SLC4A11: variants seen among roughly 807,000 people sequenced by gnomAD.
SLC4A11 encodes bicarbonate transporter related protein 1.
Under a neutral mutation model 95.0 loss-of-function variants are expected in SLC4A11, and 74 were observed. That is an observed-to-expected ratio of 0.78 (90% CI 0.65 to 0.95). The LOEUF (loss-of-function observed/expected upper bound fraction) is 0.95, where lower values mean the gene tolerates loss of function less well. SLC4A11 is among the 40% of genes least tolerant of loss of function. The pLI, the probability that SLC4A11 is intolerant of heterozygous loss-of-function variation, is 0.00. For missense variants in SLC4A11, 1,081 were observed against 1,192.4 expected (o/e 0.91, Z 1.38); for synonymous variants, 548 against 519.0 (o/e 1.06, Z -0.76).
At position 3,230,167 on chromosome 20, in the gene SLC4A11, TG is replaced by T; in HGVS notation, c.1489+19del. 6.2e-7 allele frequency: 1 copy of T among 1,613,184 alleles called. No homozygotes were observed. The highest frequency in any genetic ancestry group is 8.5e-7 in the Non-Finnish European group (1 of 1,179,864). On this transcript the variant is annotated intron_variant, in intron 13 of 19. Transcript: ENST00000642402. Reference sequence around the variant, plus strand: ...TCGGCTGAGCGCCCTGTTCAGCAGGTGGCCCCCAGCCGCACTCACTTTTAAC... The same window carrying T: ...TCGGCTGAGCGCCCTGTTCAGCAGGTGCCCCCAGCCGCACTCACTTTTAAC...
At chr20:3,238,904 C>A (rs2068072105) in intron 1 of SLC4A11, 191 bp downstream of exon 1, 6 of 1,256,256 alleles carry the variant, frequency 4.8e-6, no homozygotes, top group Admixed American at 4.4e-5. Flanking sequence ...GCGCGGTGGC[C>A]GCGAAGCCGC....
At chr20:3,238,726 G>A (rs1032361180) in intron 1 of SLC4A11, 1 of 1,055,150 alleles carries the variant, frequency 9.5e-7, no homozygotes, top group African/African-American at 1.7e-5. Context: ...GAGACCTTCC[G>A]AGGCGGCGGC....
At chr20:3,233,774 G>A in intron 6 of SLC4A11, 137 bp from the exon 7 acceptor site, 1 of 1,517,532 alleles carries the variant, frequency 6.6e-7, no homozygotes, top group South Asian at 1.1e-5. Context: ...ACGTTCCTTG[G>A]CAGTGCTCCA....
At position 3,232,505 on chromosome 20, in the gene SLC4A11, A is replaced by T. The variant is rs145134294; in HGVS notation, c.730-957T>A. Among the ~76,000 whole-genome samples the T allele has an allele frequency of 1.5e-4, 23 of 152,372 alleles. 1 individual carries two copies. The East Asian group carries it at 4.4e-3, about 29-fold the overall frequency. On this transcript the variant is annotated intron_variant, in intron 7 of 19. Transcript: ENST00000642402. ...CACTTGAGGTCAAGAGTTCAAGACC[A>T]GCCTGGCCAACATGGTGAAACCCCA...
Position 3,227,700 on chromosome 20 carries a change from A to C in SLC4A11, c.*87T>G. On this transcript the variant is annotated 3_prime_UTR_variant, in exon 20 of 20. Transcript: ENST00000642402. ...AAGGCGCAGCACAGAGCAGTCACCC[A>C]CACACCTACACCTCCCCTCACAGCT... The C allele has an allele frequency of 7.0e-7, 1 of 1,426,276 alleles. No individual in the cohort carries two copies. Among genetic ancestry groups the C allele is most frequent in the Non-Finnish European group, 9.7e-7 (1 of 1,026,900 alleles). The allele number at this position is 1,426,276 out of a possible 1,614,324, so 88.4% of individuals were successfully genotyped here.
Position 3,229,891 on chromosome 20 carries a change from C to T in SLC4A11, c.1490-115G>A, listed in dbSNP as rs975972054. 5.1e-5 allele frequency: 73 copies of T among 1,439,916 alleles called. 2 individuals are homozygous for T. In the Admixed American group the frequency reaches 1.0e-3, roughly 20 times the overall value. 89.2% of individuals were successfully genotyped at this position (1,439,916 alleles called of 1,614,324 possible). On this transcript the variant is annotated intron_variant, in intron 13 of 19. Transcript: ENST00000642402. ...CAGGGGGAAGGTGAGGGGACCCTGC[C>T]GACGTGCCCATGCACCCACACTCCT...
chr20:3,227,859 G>A lies in SLC4A11; in HGVS notation c.2559-3C>T. On this transcript the variant is annotated splice_region_variant and splice_polypyrimidine_tract_variant and intron_variant, in intron 19 of 19. Transcript: ENST00000642402. ...TGATTCGGGGCAGCAGGATATAGCT[G>A]TGGGGAGGGAGGGACAGGAGGATGA... 1.2e-6 allele frequency: 2 copies of A among 1,612,738 alleles called. No homozygotes were observed. Among genetic ancestry groups the A allele is most frequent in the Middle Eastern group, 3.3e-4 (2 of 6,056 alleles).
Position 3,227,753 on chromosome 20 carries a change from G to A in SLC4A11, c.*34C>T, listed in dbSNP as rs6051657. 25,244 of 1,608,942 alleles carry A rather than the reference G, an allele frequency of 0.016. 1,994 individuals carry two copies. In the African/African-American group the frequency reaches 0.22, roughly 14 times the overall value. On this transcript the variant is annotated 3_prime_UTR_variant, in exon 20 of 20. Coordinates refer to ENST00000642402, the MANE Select transcript of SLC4A11 (RefSeq NM_001174089.2). ...AGAGCCAGCCTGGGAGGACGTGGAG[G>A]GCTGGCGAATGGGGCGTGGGCAGGG...
At chr20:3,230,884 G>A (rs765140587) in intron 10 of SLC4A11, 39 bp from the exon 11 acceptor site, 1 of 1,612,992 alleles carries the variant, frequency 6.2e-7, no homozygotes. Context: ...CCGCAGCCCA[G>A]GGCCCAGCCC....
At position 3,229,250 on chromosome 20, in the gene SLC4A11, G is replaced by T. The variant is rs756471125; in HGVS notation, c.1863C>A (p.Arg621=). The change falls in exon 16 of 20, where the codon CGC becomes CGA. Residue 621 remains arginine, a synonymous_variant. Transcript: ENST00000642402. ...GFREIEMSKF[R]YNPSESPFAM... ...CAAAGGGGCTCTCGCTGGGGTTGTAGCGGAACTTGCTCACTGCAGTAGGGG... is the reference window on the plus strand; with the variant it reads ...CAAAGGGGCTCTCGCTGGGGTTGTATCGGAACTTGCTCACTGCAGTAGGGG... 3.1e-6 allele frequency: 5 copies of T among 1,612,938 alleles called. No homozygotes were observed. In the Admixed American group the frequency reaches 6.7e-5, roughly 22 times the overall value.
chr20:3,228,362 G>A lies in SLC4A11; in HGVS notation c.2455C>T (p.Leu819=). ...PQRKIHYFTG[L]QVLQLLLLCA... is the part of the protein sequence containing the mutation. ...AGCAGCAGCAGCTGAAGCACCTGCA[G>A]GCCCGTGAAGTAGTGGATCTTCCTC... The change falls in exon 19 of 20, where the codon CTG becomes TTG. Residue 819 remains leucine, a synonymous_variant. Transcript: ENST00000642402. 6.2e-7 allele frequency: 1 copy of A among 1,613,344 alleles called. No individual in the cohort carries two copies. Among genetic ancestry groups the A allele is most frequent in the Non-Finnish European group, 8.5e-7 (1 of 1,179,994 alleles).
chr20:3,230,903 CCCACCCA>C, intron 10 of SLC4A11, 23 bp downstream of exon 10: 1 of 1,613,344 alleles, frequency 6.2e-7, no homozygotes, highest in Non-Finnish European at 8.5e-7. Flanking sequence ...CCAGCATACC[CCCACCCA>C]CCGCCCACCG....
Position 3,227,991 on chromosome 20 carries a change from A to G in SLC4A11, c.2559-135T>C, listed in dbSNP as rs1240603688. The G allele has an allele frequency of 1.0e-3, 296 of 294,432 alleles. 2 individuals carry two copies. In the African/African-American group the frequency reaches 0.021, roughly 21 times the overall value. 18.2% of individuals were successfully genotyped at this position (294,432 alleles called of 1,614,324 possible). On this transcript the variant is annotated intron_variant, in intron 19 of 19. Coordinates refer to ENST00000642402, the MANE Select transcript of SLC4A11 (RefSeq NM_001174089.2). ...CCGCCCGCCTACCCCCAGCCCACCC[A>G]CTCTCCACTCCTAGACTGGAGCCCC...
upstream of SLC4A11, chr20:3,239,299 G>A: frequency 5.1e-6 from 6 of 1,179,146 alleles, no homozygotes; most frequent in Non-Finnish European, 6.3e-6. Context: ...GGGCGCGGTA[G>A]GCAGAGCTGC....
At chr20:3,232,427 T>C (rs1274815513) in intron 7 of SLC4A11, among the ~76,000 whole-genome samples, 2 of 152,252 alleles carry the variant, frequency 1.3e-5, no homozygotes, top group African/African-American at 2.4e-5. Flanking sequence ...TGGCAGGGCA[T>C]GGTGGCTCAC....
rs371200499 is a variant in SLC4A11, at chr20:3,231,591, C to T, written c.730-43G>A. On this transcript the variant is annotated intron_variant, in intron 7 of 19. Coordinates refer to ENST00000642402, the MANE Select transcript of SLC4A11 (RefSeq NM_001174089.2). This position sits in a 1 kb window ranked among gnomAD's most constrained non-coding sequence, Gnocchi z 5.2. ...GAGTCACCCCTAGAAACAGAGGAGG[C>T]CCTGCCCGGGCCGAGCAGGTGAAGG... 5.1e-4 allele frequency: 813 copies of T among 1,584,844 alleles called. No homozygotes were observed. The highest frequency in any genetic ancestry group is 6.5e-4 in the Non-Finnish European group (758 of 1,160,072).
rs2067581171 is a variant in SLC4A11, at chr20:3,227,860, T to C, written c.2559-4A>G. ...GATTCGGGGCAGCAGGATATAGCTGTGGGGAGGGAGGGACAGGAGGATGAG... is the reference window on the plus strand; with the variant it reads ...GATTCGGGGCAGCAGGATATAGCTGCGGGGAGGGAGGGACAGGAGGATGAG... On this transcript the variant is annotated splice_region_variant and splice_polypyrimidine_tract_variant and intron_variant, in intron 19 of 19. Transcript: ENST00000642402. The C allele has an allele frequency of 6.2e-7, 1 of 1,612,604 alleles. No homozygotes were observed. The highest frequency in any genetic ancestry group is 8.5e-7 in the Non-Finnish European group (1 of 1,179,676).
At position 3,229,509 on chromosome 20, in the gene SLC4A11, C is replaced by T. The variant is rs1436328861; in HGVS notation, c.1742+15G>A. ...TGACCCATGCGGCCCCTCCCCTCCC[C>T]ATGCAGCCCCTCACCTCTTCTTGAA... On this transcript the variant is annotated intron_variant, in intron 14 of 19. Transcript: ENST00000642402. 6.2e-7 allele frequency: 1 copy of T among 1,612,682 alleles called. No homozygotes were observed. The highest frequency in any genetic ancestry group is 1.3e-5 in the African/African-American group (1 of 74,926).
At position 3,229,607 on chromosome 20, in the gene SLC4A11, T is replaced by C. The variant is rs201867970; in HGVS notation, c.1659A>G (p.Ser553=). ...GGCTGAGCACGGCGGTCGCCTGGCC[T>C]GAGTGTGTGGCCGAGGGCAGCTCCG... The part of the protein sequence containing the change: ...SPTELPSATH[S]GQATAVLSLL... The change falls in exon 14 of 20, where the codon TCA becomes TCG. Residue 553 remains serine, a synonymous_variant. Transcript: ENST00000642402. 268 of 1,612,766 alleles carry C rather than the reference T, an allele frequency of 1.7e-4. No individual in the cohort carries two copies. Among genetic ancestry groups the C allele is most frequent in the Non-Finnish European group, 3.0e-5 (35 of 1,179,904 alleles).
Sources: gnomAD v4.1 joint callset for allele counts (sites outside exome capture counted in the v4.1 genomes callset) on GRCh38, gnomAD v4.1.1 for gene constraint, Gnocchi (gnomAD v3.1) non-coding constraint, MANE v1.5 for transcripts, NCBI Gene and HGNC (gene_info 2026-07-23, HGNC 2026-07-21) for gene names.